Variants in R3HCC1L observed in about 807,000 individuals in gnomAD.
R3HCC1L encodes R3H domain and coiled-coil containing 1 like, also known as coiled-coil domain-containing protein R3HCC1L.
A neutral mutation model predicts 59.9 loss-of-function variants in R3HCC1L; 51 were observed. That is an observed-to-expected ratio of 0.85 (90% CI 0.68 to 1.07). The LOEUF is 1.07. Among genes scored for constraint, R3HCC1L ranks in the 50% least tolerant of loss-of-function variants. The pLI, the probability that R3HCC1L is intolerant of heterozygous loss-of-function variation, is 0.00. For synonymous variants in R3HCC1L, 322 were observed against 315.2 expected, an observed-to-expected ratio of 1.02 and a Z score of -0.23; for missense variants, 965 against 933.0, an observed-to-expected ratio of 1.03 and a Z score of -0.45.
intron 1 of R3HCC1L, among the ~76,000 whole-genome samples, chr10:98,155,313 A>G (rs571913494): frequency 3.9e-5 from 6 of 152,318 alleles, no homozygotes; most frequent in South Asian, 2.1e-4. Context: ...TTCTAGTATT[A>G]CAATTCCTGA....
chr10:98,191,420 T>C (rs1376820248), intron 4 of R3HCC1L, among the ~76,000 whole-genome samples: 3 of 152,254 alleles, frequency 2.0e-5, no homozygotes, highest in African/African-American at 7.2e-5. Flanking sequence ...ATGAGCATTT[T>C]TTCATGTGTC....
At chr10:98,207,326 T>C (rs1852806775) in intron 4 of R3HCC1L, among the ~76,000 whole-genome samples, 1 of 152,184 alleles carries the variant, frequency 6.6e-6, no homozygotes, top group Non-Finnish European at 1.5e-5. Context: ...TAGATAAAGA[T>C]TTTTTTAACT....
chr10:98,173,169 G>T (rs187818052), intron 4 of R3HCC1L, among the ~76,000 whole-genome samples: 1 of 152,238 alleles, frequency 6.6e-6, no homozygotes, highest in Non-Finnish European at 1.5e-5. Flanking sequence ...TAAAAAATTC[G>T]AAGCAAGAAA....
chr10:98,167,832 G>A (rs1848107120), intron 4 of R3HCC1L, among the ~76,000 whole-genome samples: 2 of 152,196 alleles, frequency 1.3e-5, no homozygotes, highest in Non-Finnish European at 1.5e-5. Flanking sequence ...GGGATAAAAT[G>A]AGATAACATA....
intron 4 of R3HCC1L, among the ~76,000 whole-genome samples, chr10:98,192,322 T>C (rs1388381669): frequency 6.7e-6 from 1 of 149,822 alleles, no homozygotes; most frequent in African/African-American, 2.5e-5. Flanking sequence ...AAATAGAAAA[T>C]AGGAAAATAA....
intron 1 of R3HCC1L, among the ~76,000 whole-genome samples, chr10:98,144,233 C>T (rs1427906595): frequency 1.3e-5 from 2 of 151,924 alleles, no homozygotes; most frequent in East Asian, 1.9e-4. Context: ...CATTCATTCC[C>T]GAGATGGAGT....
At chr10:98,173,337 A>G (rs1477953590) in intron 4 of R3HCC1L, among the ~76,000 whole-genome samples, 1 of 152,128 alleles carries the variant, frequency 6.6e-6, no homozygotes, top group African/African-American at 2.4e-5. Flanking sequence ...AGCCATAGCC[A>G]GCTTCCTTGA....
chr10:98,171,514 A>G (rs953639506), intron 4 of R3HCC1L, among the ~76,000 whole-genome samples: 7 of 152,126 alleles, frequency 4.6e-5, no homozygotes. Flanking sequence ...CCACCGTGGC[A>G]TTTTTTTGGC....
chr10:98,199,742 C>T (rs970586103), intron 4 of R3HCC1L, among the ~76,000 whole-genome samples: 3 of 151,904 alleles, frequency 2.0e-5, no homozygotes, highest in African/African-American at 7.2e-5. Context: ...ATGAAAACGA[C>T]TTGTTAGGGA....
intron 4 of R3HCC1L, among the ~76,000 whole-genome samples, chr10:98,206,315 T>C (rs1852651694): frequency 6.6e-6 from 1 of 151,486 alleles, no homozygotes. Flanking sequence ...TTCTGTCTTT[T>C]GTTTGATTCT....
chr10:98,192,809 G>C (rs1452999072), intron 4 of R3HCC1L, among the ~76,000 whole-genome samples: 1 of 152,108 alleles, frequency 6.6e-6, no homozygotes, highest in African/African-American at 2.4e-5. Flanking sequence ...GTATTACCCT[G>C]ATACCAAAGC....
intron 2 of R3HCC1L, among the ~76,000 whole-genome samples, chr10:98,156,915 A>G (rs545327073): frequency 3.9e-5 from 6 of 152,324 alleles, no homozygotes; most frequent in African/African-American, 9.6e-5. Flanking sequence ...AAAATTCTCA[A>G]TCTTCTAGTA....
At chr10:98,207,942 T>G (rs1564693367) in intron 4 of R3HCC1L, among the ~76,000 whole-genome samples, 159 bp from the exon 5 acceptor site, 1 of 152,208 alleles carries the variant, frequency 6.6e-6, no homozygotes, top group Admixed American at 6.5e-5. Context: ...AAGGATCGCT[T>G]GAGCCTGGAA....
chr10:98,174,158 C>T (rs1848776553), intron 4 of R3HCC1L, among the ~76,000 whole-genome samples: 2 of 151,536 alleles, frequency 1.3e-5, no homozygotes, highest in South Asian at 2.1e-4. Context: ...TGGACTAGAA[C>T]TTCAGGATTC....
rs572959863 is a variant in R3HCC1L at position 98,153,254 on chromosome 10, T to G, written c.-267-2839T>G. Among the ~76,000 whole-genome samples, 3 of 152,344 alleles carry G rather than the reference T, an allele frequency of 2.0e-5. No homozygotes were observed. The South Asian group carries it at 6.2e-4, about 32-fold the overall frequency. ...GAAGTAGACATGGGAGACTTCATTTTGTTCTGTACTAAGAAAAATTCTTCT... is the reference window on the plus strand; with the variant it reads ...GAAGTAGACATGGGAGACTTCATTTGGTTCTGTACTAAGAAAAATTCTTCT... On this transcript the variant is annotated intron_variant, in intron 1 of 9. Transcript: ENST00000298999.
chr10:98,180,200 A>G (rs925779960), intron 4 of R3HCC1L, among the ~76,000 whole-genome samples: 3 of 152,182 alleles, frequency 2.0e-5, no homozygotes, highest in South Asian at 2.1e-4. Flanking sequence ...ATTTAGTGCT[A>G]TAAATTTCCC....
At chr10:98,224,226 C>T (rs1188419589) in intron 5 of R3HCC1L, among the ~76,000 whole-genome samples, 1 of 151,694 alleles carries the variant, frequency 6.6e-6, no homozygotes, top group Non-Finnish European at 1.5e-5. Context: ...GTGTGGGTGC[C>T]AGTGGCAGCA....
chr10:98,197,875 A>G (rs1021602731), intron 4 of R3HCC1L, among the ~76,000 whole-genome samples: 4 of 152,322 alleles, frequency 2.6e-5, no homozygotes, highest in East Asian at 1.9e-4. Context: ...TAGAAAAGGT[A>G]ACCTTTTCTA....
intron 9 of R3HCC1L, among the ~76,000 whole-genome samples, chr10:98,242,149 A>G (rs1218001984): frequency 6.6e-6 from 1 of 152,186 alleles, no homozygotes; most frequent in Non-Finnish European, 1.5e-5. Context: ...GTTCAAGACC[A>G]TTCTGGCTAG....
Sources: allele counts gnomAD v4.1 joint callset (sites outside exome capture counted in the v4.1 genomes callset), GRCh38; gene constraint gnomAD v4.1.1; transcripts MANE v1.5; gene names NCBI Gene and HGNC (gene_info 2026-07-23, HGNC 2026-07-21).